C19orf47: variants seen among roughly 807,000 people sequenced by gnomAD.
C19orf47 encodes the protein uncharacterized protein C19orf47.
In C19orf47, 18 loss-of-function variants were observed where a neutral mutation model predicts 32.3. That is an observed-to-expected ratio of 0.56 (90% confidence interval 0.39 to 0.83). C19orf47 has a LOEUF of 0.83. C19orf47 is among the 40% of genes least tolerant of loss of function. The pLI is 0.00. For synonymous variants in C19orf47, 202 were observed against 211.1 expected, an observed-to-expected ratio of 0.96 and a Z score of 0.37; for missense variants, 484 against 531.6, an observed-to-expected ratio of 0.91 and a Z score of 0.88.
At chr19:40,348,441 G>A (rs1004179274), upstream of C19orf47, 3 of 1,495,760 alleles carry the variant, frequency 2.0e-6, no homozygotes, top group Non-Finnish European at 1.8e-6. Context: ...TCTCACCGCC[G>A]GAAGCTGAAC....
downstream of C19orf47, among the ~76,000 whole-genome samples, chr19:40,316,656 T>C (rs2077664081): frequency 6.6e-6 from 1 of 152,206 alleles, no homozygotes; most frequent in Non-Finnish European, 1.5e-5. Context: ...GGGTGGTCAC[T>C]GTGTAAATAA....
At chr19:40,330,425 G>A (rs536101691) in intron 5 of C19orf47, among the ~76,000 whole-genome samples, 2 of 151,174 alleles carry the variant, frequency 1.3e-5, no homozygotes, top group African/African-American at 4.9e-5. Flanking sequence ...TAGAGATGGG[G>A]TTTCACCATG....
chr19:40,295,843 C>T, the C19orf47 span, among the ~76,000 whole-genome samples: 1 of 152,042 alleles, frequency 6.6e-6, no homozygotes, highest in Non-Finnish European at 1.5e-5. Flanking sequence ...GCCTCCTGGA[C>T]TCAAGTGATC....
chr19:40,300,262 C>T, the C19orf47 span, among the ~76,000 whole-genome samples: 3 of 151,730 alleles, frequency 2.0e-5, no homozygotes, highest in Admixed American at 6.6e-5. Flanking sequence ...GTCAGGAGTT[C>T]AAGACCAGCC....
rs531092682 is a variant in C19orf47 at position 40,345,778 on chromosome 19, G to C, written c.-34+2546C>G. Among the ~76,000 whole-genome samples, 26 of 150,950 alleles carry C rather than the reference G, an allele frequency of 1.7e-4. No individual in the cohort carries two copies. The East Asian group carries it at 4.1e-3, about 24-fold the overall frequency. On this transcript the variant is annotated intron_variant, in intron 1 of 8. Transcript: ENST00000683109. ...AATCGCTTCAACCCGGGGCGGGGGG[G>C]GGAGAGGTTGCAGTGAGCCAAGATT...
At chr19:40,324,171 C>G (rs2077781016) in intron 7 of C19orf47, 95 bp from the exon 8 acceptor site, 1 of 1,215,226 alleles carries the variant, frequency 8.2e-7, no homozygotes. Context: ...ACACCAGTAG[C>G]TCTGGGACAG....
intron 2 of C19orf47, among the ~76,000 whole-genome samples, chr19:40,339,467 A>G (rs1328146513): frequency 6.6e-6 from 1 of 152,190 alleles, no homozygotes; most frequent in East Asian, 1.9e-4. Context: ...TGCAATATCC[A>G]TTGACAGCAG....
At chr19:40,341,933 T>C in intron 1 of C19orf47, 43 bp from the exon 2 acceptor site, 2 of 1,536,022 alleles carry the variant, frequency 1.3e-6, no homozygotes, top group Non-Finnish European at 1.7e-6. Context: ...TGCTGCCGGC[T>C]GTGAGTGTTT....
At chr19:40,343,287 G>A (rs935285100) in intron 1 of C19orf47, among the ~76,000 whole-genome samples, 18 of 152,118 alleles carry the variant, frequency 1.2e-4, no homozygotes, top group Non-Finnish European at 2.5e-4. Context: ...CACCCCATAC[G>A]ACCTGTCCCA....
downstream of C19orf47, among the ~76,000 whole-genome samples, chr19:40,317,715 C>CTGTTTTTTTTTT (rs1555783696): frequency 2.0e-4 from 29 of 147,522 alleles, no homozygotes; most frequent in Middle Eastern, 3.5e-3. Context: ...TCCAAATCCA[C>CTGTTTTTTTTTT]TGTTTTTTTT....
At chr19:40,303,056 C>T in the C19orf47 span, among the ~76,000 whole-genome samples, 27 of 152,160 alleles carry the variant, frequency 1.8e-4, no homozygotes, top group African/African-American at 6.0e-4. Flanking sequence ...GCCTGGGCAA[C>T]GTGGTGAAAC....
chr19:40,345,756 C>T (rs918787421), intron 1 of C19orf47, among the ~76,000 whole-genome samples: 2 of 87,138 alleles, frequency 2.3e-5, no homozygotes, highest in South Asian at 4.8e-4. Flanking sequence ...GTGGGAGAAT[C>T]GCTTCAACCC....
chr19:40,338,101 GTCTC>G (rs1198448581), intron 2 of C19orf47, among the ~76,000 whole-genome samples: 5 of 151,822 alleles, frequency 3.3e-5, no homozygotes, highest in Non-Finnish European at 7.4e-5. Context: ...TTGAGACAGG[GTCTC>G]CCTCTGTCGC....
chr19:40,307,981 A>G, the C19orf47 span, among the ~76,000 whole-genome samples: 35 of 149,848 alleles, frequency 2.3e-4, no homozygotes, highest in African/African-American at 8.6e-4. Context: ...CTCTCATCTT[A>G]GTGAAGAGGA....
intron 1 of C19orf47, among the ~76,000 whole-genome samples, chr19:40,347,903 C>G (rs982860354): frequency 6.6e-6 from 1 of 152,176 alleles, no homozygotes; most frequent in African/African-American, 2.4e-5. Flanking sequence ...TTGGGACTAT[C>G]TGCTCTCATT....
intron 5 of C19orf47, 24 bp downstream of exon 5, chr19:40,333,827 G>T: frequency 6.6e-7 from 1 of 1,517,646 alleles, no homozygotes; most frequent in South Asian, 1.3e-5. Context: ...TCAAGGAAAA[G>T]AGGCCTGAAT....
downstream of C19orf47, among the ~76,000 whole-genome samples, chr19:40,316,009 A>AAGAG: frequency 6.6e-6 from 1 of 151,154 alleles, no homozygotes; most frequent in South Asian, 2.1e-4. Flanking sequence ...CAAAAAAAAA[A>AAGAG]AGAGAGAGAG....
chr19:40,323,653 G>A (rs1355241368), intron 8 of C19orf47, among the ~76,000 whole-genome samples: 3 of 152,206 alleles, frequency 2.0e-5, no homozygotes, highest in Non-Finnish European at 2.9e-5. Flanking sequence ...GGCAGAGGAG[G>A]GAGAGACAGT....
At chr19:40,327,256 C>T (rs959960293) in intron 6 of C19orf47, among the ~76,000 whole-genome samples, 6 of 151,724 alleles carry the variant, frequency 4.0e-5, no homozygotes, top group Admixed American at 1.3e-4. Context: ...TCAGGTGATC[C>T]GCCCACCTCG....
Sources: allele counts gnomAD v4.1 joint callset (sites outside exome capture counted in the v4.1 genomes callset), GRCh38; gene constraint gnomAD v4.1.1; transcripts MANE v1.5; gene names NCBI Gene and HGNC (gene_info 2026-07-23, HGNC 2026-07-21).